SHC3: variants seen among roughly 807,000 people sequenced by gnomAD.
SHC3 encodes SHC adaptor protein 3.
SHC3 carries 15 observed loss-of-function variants against 60.4 expected under a neutral mutation model. The ratio of observed to expected loss-of-function variants is 0.25; its 90% CI spans 0.17 to 0.38. The LOEUF (loss-of-function observed/expected upper bound fraction) is 0.38. Among genes scored for constraint, SHC3 ranks in the 10% least tolerant of loss-of-function variants. SHC3 has a pLI of 1.00. For missense variants in SHC3, 677 were observed against 786.1 expected (o/e 0.86, Z 1.66); for synonymous variants, 294 against 325.9 (o/e 0.90, Z 1.05).
chr9:89,097,480 A>G (rs1825721991), intron 2 of SHC3, among the ~76,000 whole-genome samples: 1 of 152,254 alleles, frequency 6.6e-6, no homozygotes, highest in Admixed American at 6.5e-5. Flanking sequence ...AGATGTACTA[A>G]TCTTCATTTT....
intron 11 of SHC3, among the ~76,000 whole-genome samples, chr9:89,027,210 C>T (rs1826325937): frequency 6.6e-6 from 1 of 152,104 alleles, no homozygotes; most frequent in South Asian, 2.1e-4. Context: ...GAGGAAACTT[C>T]CTTACCAGTT....
At position 89,178,353 on chromosome 9, in the gene SHC3, C is replaced by T. The variant is rs371349438; in HGVS notation, c.108G>A (p.Ala36=). ...SVSGGGGKVS[A]ARATPAAAPY... is the part of the protein sequence containing the mutation. ...GAGCCGCCGCCGGGGTCGCGCGCGCCGCCGAAACCTTGCCTCCGCCGCCGC... is the reference window on the plus strand; with the variant it reads ...GAGCCGCCGCCGGGGTCGCGCGCGCTGCCGAAACCTTGCCTCCGCCGCCGC... The change falls in exon 1 of 12, where the codon GCG becomes GCA. Residue 36 remains alanine, a synonymous_variant. Transcript: ENST00000375835. The surrounding 1 kb of genome is among the most constrained non-coding windows in gnomAD (Gnocchi z 6.9). The T allele has an allele frequency of 9.8e-5, 156 of 1,594,116 alleles. No homozygotes were observed. Among genetic ancestry groups the T allele is most frequent in the Middle Eastern group, 3.3e-4 (2 of 6,024 alleles).
chr9:89,177,652 C>T (rs1336002163), intron 1 of SHC3, among the ~76,000 whole-genome samples: 1 of 152,222 alleles, frequency 6.6e-6, no homozygotes, highest in Non-Finnish European at 1.5e-5. Context: ...GCAGGCCGGA[C>T]CCCCGCTGCC....
At chr9:89,147,418 C>G (rs1826486087) in intron 1 of SHC3, among the ~76,000 whole-genome samples, 1 of 152,174 alleles carries the variant, frequency 6.6e-6, no homozygotes, top group Non-Finnish European at 1.5e-5. Context: ...TCCTGCCAAA[C>G]TGAATTTTCA....
chr9:89,090,487 GGTC>G (rs1412980939), intron 2 of SHC3, among the ~76,000 whole-genome samples: 1 of 152,220 alleles, frequency 6.6e-6, no homozygotes. Flanking sequence ...AGAATGCTGA[GGTC>G]AGTGTGATCA....
intron 11 of SHC3, among the ~76,000 whole-genome samples, chr9:89,023,671 A>G (rs1225582270): frequency 6.6e-6 from 1 of 152,208 alleles, no homozygotes; most frequent in Non-Finnish European, 1.5e-5. Flanking sequence ...CATCTAGATG[A>G]TCCACTTCTG....
At chr9:89,151,294 TC>T (rs1210229776) in intron 1 of SHC3, among the ~76,000 whole-genome samples, 3 of 152,242 alleles carry the variant, frequency 2.0e-5, no homozygotes, top group South Asian at 2.1e-4. Context: ...AATGTTAGTG[TC>T]CCCCCAAAAT....
At chr9:89,095,079 A>G (rs761404414) in intron 2 of SHC3, among the ~76,000 whole-genome samples, 2 of 152,184 alleles carry the variant, frequency 1.3e-5, no homozygotes, top group African/African-American at 2.4e-5. Context: ...AACATTAAAC[A>G]TATAATCGCC....
intron 9 of SHC3, among the ~76,000 whole-genome samples, chr9:89,043,129 C>T (rs919329230): frequency 3.3e-5 from 5 of 152,158 alleles, no homozygotes; most frequent in African/African-American, 1.2e-4. Flanking sequence ...TGTGTTGAAG[C>T]CAGCTCAATC....
rs1303643128 is a variant in SHC3 at position 89,037,999 on chromosome 9, T to G, written c.1650A>C (p.Glu550Asp). ...QAKHLLLVDP[E>D]GTIRTKDRVF... Reference sequence around the variant, plus strand: ...ACCCCCACTGGGTGCTCACCGTGCCTTCTGGGTCCACGAGCAGCAGGTGCT... The same window carrying G: ...ACCCCCACTGGGTGCTCACCGTGCCGTCTGGGTCCACGAGCAGCAGGTGCT... Residue 550 changes from glutamate to aspartate, a missense_variant, in exon 11 of 12, where the codon GAA becomes GAC. Transcript: ENST00000375835. The G allele has an allele frequency of 6.2e-7, 1 of 1,607,916 alleles. No homozygotes were observed. Among genetic ancestry groups the G allele is most frequent in the African/African-American group, 1.3e-5 (1 of 74,922 alleles).
intron 2 of SHC3, among the ~76,000 whole-genome samples, chr9:89,102,440 G>T (rs1442493118): frequency 6.6e-6 from 1 of 152,070 alleles, no homozygotes; most frequent in Admixed American, 6.5e-5. Context: ...GAAAATTTTA[G>T]GAATACCTTT....
At chr9:89,101,561 T>C (rs1036855560) in intron 2 of SHC3, among the ~76,000 whole-genome samples, 1 of 151,920 alleles carries the variant, frequency 6.6e-6, no homozygotes, top group African/African-American at 2.4e-5. Context: ...AATGAATGTA[T>C]GTTGAATTTT....
intron 11 of SHC3, among the ~76,000 whole-genome samples, chr9:89,034,618 A>G (rs142645510): frequency 9.2e-5 from 14 of 152,344 alleles, no homozygotes; most frequent in African/African-American, 3.4e-4. Flanking sequence ...AGATCACACC[A>G]CATTCTTCTC....
At chr9:89,152,142 G>C (rs1308049931) in intron 1 of SHC3, among the ~76,000 whole-genome samples, 1 of 152,198 alleles carries the variant, frequency 6.6e-6, no homozygotes, top group African/African-American at 2.4e-5. Context: ...TAGAGTTAAA[G>C]ATATGGGATG....
At position 89,010,937 on chromosome 9, in the gene SHC3, C is replaced by T. The variant is rs1205920741; in HGVS notation, c.*2510G>A. On this transcript the variant is annotated 3_prime_UTR_variant, in exon 12 of 12. Transcript: ENST00000375835. Reference sequence around the variant, plus strand: ...GAAGGTGTGGCACCAGCCCCAGCCTCACTTTCCCCATGTGTCTGTGAGGCT... The same window carrying T: ...GAAGGTGTGGCACCAGCCCCAGCCTTACTTTCCCCATGTGTCTGTGAGGCT... 1 of 152,260 alleles carries T rather than the reference C, an allele frequency of 6.6e-6. No homozygotes were observed. Among genetic ancestry groups the T allele is most frequent in the African/African-American group, 2.4e-5 (1 of 41,452 alleles). The allele number at this position is 152,260 out of a possible 1,614,324, so 9.4% of individuals were successfully genotyped here.
In SHC3 at chr9:89,009,337, A is replaced by AC. The variant is rs1825984985; in HGVS notation, c.*4109dup. On this transcript the variant is annotated 3_prime_UTR_variant, in exon 12 of 12. Transcript: ENST00000375835. ...GGGAGAACCTGAGTATTACTCTGAA[A>AC]CCCACTGCAAGGTCTGTCTGAGTCC... 3 of 152,018 alleles carry AC rather than the reference A, an allele frequency of 2.0e-5. No individual in the cohort carries two copies. Among genetic ancestry groups the AC allele is most frequent in the Non-Finnish European group, 4.4e-5 (3 of 68,026 alleles). The allele number at this position is 152,018 out of a possible 1,614,324, so 9.4% of individuals were successfully genotyped here. A position where few individuals can be genotyped will look rare whatever the true frequency, so the allele number is the denominator to read the frequency against.
chr9:89,077,133 C>T (rs940597277), intron 3 of SHC3, among the ~76,000 whole-genome samples: 1 of 151,548 alleles, frequency 6.6e-6, no homozygotes, highest in Non-Finnish European at 1.5e-5. Context: ...GCCAAGATCA[C>T]GCCACTGCAC....
chr9:89,081,655 C>A lies in SHC3; in HGVS notation c.546-3752G>T, dbSNP rs148174569. 6.7e-4 allele frequency among the ~76,000 whole-genome samples: 102 copies of A among 152,270 alleles called. No individual in the cohort carries two copies. In the East Asian group the frequency reaches 0.017, roughly 25 times the overall value. ...AATTCAATGCATTCAGTTGGCCCTG[C>A]TCCTCCCTGGGCTGGATGGAGCCAT... On this transcript the variant is annotated intron_variant, in intron 2 of 11. Coordinates refer to ENST00000375835, the MANE Select transcript of SHC3 (RefSeq NM_016848.6).
intron 2 of SHC3, among the ~76,000 whole-genome samples, chr9:89,090,759 T>C (rs188303535): frequency 6.6e-6 from 1 of 152,106 alleles, no homozygotes; most frequent in African/African-American, 2.4e-5. Flanking sequence ...AGGCAAGAAA[T>C]CAACATGGGT....
Sources: gnomAD v4.1 joint callset for allele counts (sites outside exome capture counted in the v4.1 genomes callset) on GRCh38, gnomAD v4.1.1 for gene constraint, Gnocchi (gnomAD v3.1) non-coding constraint, MANE v1.5 for transcripts, NCBI Gene and HGNC (gene_info 2026-07-23, HGNC 2026-07-21) for gene names.